Variants in TMEM209 observed in about 807,000 individuals in gnomAD.
The protein encoded by TMEM209 is transmembrane protein 209.
In TMEM209, 65 loss-of-function variants were observed where a neutral mutation model predicts 76.2. The observed-to-expected ratio is 0.85, with a 90% CI of 0.70 to 1.05. The LOEUF is 1.05. TMEM209 is among the 50% of genes least tolerant of loss of function. The pLI is 0.00. For synonymous variants in TMEM209, 239 were observed against 237.6 expected (o/e 1.01, Z -0.06); for missense variants, 623 against 685.5 (o/e 0.91, Z 1.02).
At chr7:130,196,638 C>A (rs1797983646) in intron 5 of TMEM209, among the ~76,000 whole-genome samples, 1 of 152,094 alleles carries the variant, frequency 6.6e-6, no homozygotes, top group South Asian at 2.1e-4. Context: ...CTTGTTCTGA[C>A]AGGCTCAGTG....
intron 5 of TMEM209, among the ~76,000 whole-genome samples, chr7:130,195,113 ATTTG>A (rs1187592036): frequency 1.3e-5 from 2 of 152,134 alleles, no homozygotes; most frequent in African/African-American, 2.4e-5. Flanking sequence ...TTCTTGGCTC[ATTTG>A]TTTTTCTTTA....
At chr7:130,176,913 G>A (rs981283666) in intron 10 of TMEM209, among the ~76,000 whole-genome samples, 2 of 151,822 alleles carry the variant, frequency 1.3e-5, no homozygotes, top group African/African-American at 4.8e-5. Context: ...AGCACTTTGG[G>A]AGGCTGAGGA....
intron 9 of TMEM209, 135 bp downstream of exon 9, chr7:130,181,488 A>C: frequency 2.9e-6 from 2 of 678,668 alleles, no homozygotes; most frequent in Non-Finnish European, 2.5e-6. Context: ...GTTAAAAAAA[A>C]ATCAAACTAG....
At chr7:130,167,739 CA>C (rs1440372028) in intron 14 of TMEM209, among the ~76,000 whole-genome samples, 1 of 152,056 alleles carries the variant, frequency 6.6e-6, no homozygotes, top group African/African-American at 2.4e-5. Context: ...CCTGTTACTG[CA>C]CAAATACCTG....
intron 9 of TMEM209, among the ~76,000 whole-genome samples, chr7:130,179,598 T>C (rs1284954757): frequency 6.6e-6 from 1 of 152,206 alleles, no homozygotes. Context: ...CAATATCCAA[T>C]GTTAGGAAAA....
intron 9 of TMEM209, 120 bp downstream of exon 9, chr7:130,181,503 T>C (rs938165472): frequency 6.7e-6 from 5 of 743,516 alleles, no homozygotes; most frequent in African/African-American, 5.3e-5. Flanking sequence ...AACTAGATTA[T>C]AGACATTTGG....
At chr7:130,201,690 T>C in intron 5 of TMEM209, 160 bp downstream of exon 5, 1 of 870,618 alleles carries the variant, frequency 1.1e-6, no homozygotes, top group Non-Finnish European at 1.7e-6. Context: ...TTTAAGATGT[T>C]GTGTTTAAGA....
At chr7:130,202,508 T>C in intron 4 of TMEM209, 24 bp downstream of exon 4, 5 of 1,583,106 alleles carry the variant, frequency 3.2e-6, no homozygotes, top group Non-Finnish European at 4.3e-6. Context: ...TTCCCCACCT[T>C]TGCAAGAGAT....
Position 130,191,579 on chromosome 7 carries a change from T to C in TMEM209, c.775+1043A>G, listed in dbSNP as rs559500859. Among the ~76,000 whole-genome samples, 3 of 151,968 alleles carry C rather than the reference T, an allele frequency of 2.0e-5. No homozygotes were observed. The South Asian group carries it at 6.2e-4, about 32-fold the overall frequency. ...AGTCTCAAACAAACAAACACAAAATTGATAGGTACAGATCAGATTCTCTAA... is the reference window on the plus strand; with the variant it reads ...AGTCTCAAACAAACAAACACAAAATCGATAGGTACAGATCAGATTCTCTAA... On this transcript the variant is annotated intron_variant, in intron 6 of 14. Transcript: ENST00000397622.
Position 130,192,786 on chromosome 7 carries a change from G to C in TMEM209, c.611C>G (p.Pro204Arg), listed in dbSNP as rs773377773. Residue 204 changes from proline (P) to arginine (R), a missense_variant, in exon 6 of 15, where the codon CCT (proline) becomes CGT (arginine). Physicochemically the swap from Pro to Arg is moderately radical, Grantham distance 103. Coordinates refer to ENST00000397622, the MANE Select transcript of TMEM209 (RefSeq NM_032842.4). ...SFSPSPPSPYPTTVGPVESSG... is the reference protein window; with the variant it reads ...SFSPSPPSPYRTTVGPVESSG... Reference sequence around the variant, plus strand: ...GCTCTCCACTGGTCCAACAGTGGTAGGGTACGGAGAAGGAGGAGAGGGGCT... The same window carrying C: ...GCTCTCCACTGGTCCAACAGTGGTACGGTACGGAGAAGGAGGAGAGGGGCT... 1 of 1,613,950 alleles carries C rather than the reference G, an allele frequency of 6.2e-7. No homozygotes were observed. The highest frequency in any genetic ancestry group is 1.7e-5 in the Admixed American group (1 of 60,022).
intron 6 of TMEM209, among the ~76,000 whole-genome samples, chr7:130,189,116 G>A (rs966434299): frequency 3.9e-5 from 6 of 152,084 alleles, no homozygotes; most frequent in Non-Finnish European, 1.5e-5. Context: ...CACTACAAGG[G>A]TCAGTATTGG....
At chr7:130,194,337 T>C (rs1348885805) in intron 5 of TMEM209, among the ~76,000 whole-genome samples, 1 of 138,768 alleles carries the variant, frequency 7.2e-6, no homozygotes, top group Admixed American at 7.3e-5. Flanking sequence ...ATAAAGTCCA[T>C]CAAAAAAAAA....
intron 7 of TMEM209, 90 bp from the exon 8 acceptor site, chr7:130,184,345 A>G: frequency 1.0e-6 from 1 of 999,838 alleles, no homozygotes. Flanking sequence ...AAAATATTTA[A>G]TGAACTTTGA....
chr7:130,180,428 A>C (rs1797373382), intron 9 of TMEM209, among the ~76,000 whole-genome samples: 1 of 151,950 alleles, frequency 6.6e-6, no homozygotes, highest in Non-Finnish European at 1.5e-5. Flanking sequence ...CTTGCCCCCC[A>C]GACGATCTCG....
Position 130,203,878 on chromosome 7 carries a change from A to G in TMEM209, c.141-32T>C. On this transcript the variant is annotated intron_variant, in intron 2 of 14. Transcript: ENST00000397622. ...AAAAATTAGAAAGGCTTTCCAGTGA[A>G]CCTAAAAACACCAAAAATCAAAAAC... 9 of 1,589,662 alleles carry G rather than the reference A, an allele frequency of 5.7e-6. No individual in the cohort carries two copies. In the South Asian group the frequency reaches 9.2e-5, roughly 16 times the overall value.
At chr7:130,181,907 A>C (rs1797433974) in intron 8 of TMEM209, 188 bp from the exon 9 acceptor site, 1 of 517,360 alleles carries the variant, frequency 1.9e-6, no homozygotes, top group Non-Finnish European at 3.5e-6. Flanking sequence ...TGGTTAAATA[A>C]ATATGCCACT....
At chr7:130,194,574 C>A (rs1370048029) in intron 5 of TMEM209, among the ~76,000 whole-genome samples, 4 of 152,064 alleles carry the variant, frequency 2.6e-5, no homozygotes, top group Non-Finnish European at 5.9e-5. Flanking sequence ...ATATACATAG[C>A]TTTGTCAATG....
rs1318727346 is a variant in TMEM209, at chr7:130,205,234, T to C, written c.3+139A>G. 1.9e-6 allele frequency: 3 copies of C among 1,598,194 alleles called. No homozygotes were observed. The East Asian group carries it at 6.7e-5, about 36-fold the overall frequency. ...GAACTTCAGCAACCCTATTGCTTCT[T>C]TCTTCCCTTCCCCTAGAGAGGCGGA... On this transcript the variant is annotated intron_variant, in intron 1 of 14. Coordinates refer to ENST00000397622, the MANE Select transcript of TMEM209 (RefSeq NM_032842.4).
At position 130,170,376 on chromosome 7, in the gene TMEM209, C is replaced by A. The variant is rs777934437; in HGVS notation, c.1631+24G>T. 5.1e-6 allele frequency: 8 copies of A among 1,574,082 alleles called. 1 individual carries two copies. The highest frequency in any genetic ancestry group is 6.9e-6 in the Non-Finnish European group (8 of 1,152,468). The stretch of plus-strand genomic sequence containing the variant: ...AAGAAAATCAGTAAATAACTACTTA[C>A]GTTTTTAAAGCATAAGTACCTACCC... On this transcript the variant is annotated intron_variant, in intron 14 of 14. Transcript: ENST00000397622.
Sources: gnomAD v4.1 joint callset for allele counts (sites outside exome capture counted in the v4.1 genomes callset) on GRCh38, gnomAD v4.1.1 for gene constraint, MANE v1.5 for transcripts, NCBI Gene and HGNC (gene_info 2026-07-23, HGNC 2026-07-21) for gene names.